Variants in FBXO11 observed in about 807,000 individuals in gnomAD.
FBXO11 encodes F-box protein 11.
A neutral mutation model predicts 117.0 loss-of-function variants in FBXO11; 13 were observed. The observed-to-expected ratio is 0.11, with a 90% CI of 0.07 to 0.18. The LOEUF is 0.18. FBXO11 is among the 10% of genes least tolerant of loss of function. The pLI is 1.00. For missense variants in FBXO11, 767 were observed against 1,164.4 expected (o/e 0.66, Z 4.97); for synonymous variants, 490 against 380.5 (o/e 1.29, Z -3.35).
chr2:47,810,611 C>T (rs181294573), intron 18 of FBXO11, 185 bp from the exon 19 acceptor site: 2 of 494,316 alleles, frequency 4.0e-6, no homozygotes, highest in Non-Finnish European at 7.1e-6. Context: ...AAAATTGCTA[C>T]AATGACAGGT....
chr2:47,831,384 G>C (rs995626601), intron 11 of FBXO11, among the ~76,000 whole-genome samples: 8 of 141,408 alleles, frequency 5.7e-5, no homozygotes, highest in Non-Finnish European at 1.1e-4. Flanking sequence ...CATTGCCATT[G>C]CACTCTAGCC....
intron 1 of FBXO11, among the ~76,000 whole-genome samples, chr2:47,863,299 C>T (rs1475315166): frequency 6.6e-6 from 1 of 152,100 alleles, no homozygotes; most frequent in African/African-American, 2.4e-5. Context: ...TAGGAATAAT[C>T]ACTAGTTGAT....
intron 1 of FBXO11, among the ~76,000 whole-genome samples, chr2:47,856,296 A>C (rs1224539211): frequency 6.6e-6 from 1 of 152,226 alleles, no homozygotes; most frequent in Non-Finnish European, 1.5e-5. Context: ...TCTTCTCCAC[A>C]ATCTTTCTTA....
intron 1 of FBXO11, among the ~76,000 whole-genome samples, chr2:47,869,167 A>T (rs1291834102): frequency 1.3e-5 from 2 of 152,146 alleles, no homozygotes; most frequent in Non-Finnish European, 2.9e-5. Context: ...TGGAAATAGG[A>T]GTGACACCAC....
chr2:47,826,565 T>A (rs1352017210), intron 11 of FBXO11, among the ~76,000 whole-genome samples: 1 of 152,136 alleles, frequency 6.6e-6, no homozygotes, highest in Non-Finnish European at 1.5e-5. Context: ...TACCTCTCTA[T>A]CCCCCACAAT....
At chr2:47,872,874 CAT>C (rs2103841004) in intron 1 of FBXO11, among the ~76,000 whole-genome samples, 2 of 152,088 alleles carry the variant, frequency 1.3e-5, no homozygotes, top group East Asian at 1.9e-4. Flanking sequence ...TGTCATGTAA[CAT>C]ATTTAATAGA....
In FBXO11 at chr2:47,832,961, T is replaced by C. The variant is rs2104811402; in HGVS notation, c.1041+3A>G. 3 of 1,607,668 alleles carry C rather than the reference T, an allele frequency of 1.9e-6. No homozygotes were observed. The Admixed American group carries it at 5.0e-5, about 27-fold the overall frequency. On this transcript the variant is annotated splice_donor_region_variant and intron_variant, in intron 8 of 22. Transcript: ENST00000403359. ...GTGTATTTTAAATCTTAACATGTCT[T>C]ACCCTTATTGTCATATATCCAACAT... is the stretch of plus-strand genomic sequence containing the variant.
chr2:47,839,588 GT>G, intron 2 of FBXO11, 53 bp downstream of exon 2: 2 of 1,601,726 alleles, frequency 1.2e-6, no homozygotes, highest in Non-Finnish European at 1.7e-6. Context: ...TCCCTTTTTT[GT>G]TTCTTGAAAA....
intron 1 of FBXO11, among the ~76,000 whole-genome samples, chr2:47,874,552 T>G (rs750357003): frequency 7.7e-4 from 118 of 152,266 alleles, no homozygotes; most frequent in Non-Finnish European, 1.0e-3. Context: ...AAAACAATTT[T>G]GAGACAGAGT....
rs1399185900 is a variant in FBXO11 at position 47,848,140 on chromosome 2, AAAC to A, written c.233-8374_233-8372del. 7.6e-5 allele frequency among the ~76,000 whole-genome samples: 11 copies of A among 143,906 alleles called. No homozygotes were observed. The East Asian group carries it at 1.2e-3, about 15-fold the overall frequency. The allele number at this position is 143,906 out of a possible 152,430, so 94.4% of individuals were successfully genotyped here. ...CCCCATCTCAAAAAAACAAACAAACAAACAAAAAAACAACCAAACACACACACA... is the reference window on the plus strand; with the variant it reads ...CCCCATCTCAAAAAAACAAACAAACAAAAAAAACAACCAAACACACACACA... On this transcript the variant is annotated intron_variant, in intron 1 of 22. Transcript: ENST00000403359.
intron 1 of FBXO11, among the ~76,000 whole-genome samples, chr2:47,863,485 C>G (rs1373079560): frequency 2.6e-5 from 4 of 152,150 alleles, no homozygotes; most frequent in African/African-American, 9.7e-5. Context: ...TTAATAAACT[C>G]TTCTTTAAAG....
At chr2:47,898,490 A>G (rs1677844129) in intron 1 of FBXO11, among the ~76,000 whole-genome samples, 1 of 152,234 alleles carries the variant, frequency 6.6e-6, no homozygotes, top group Admixed American at 6.5e-5. Context: ...TACAACCATG[A>G]GCTAAAATCA....
chr2:47,809,546 TTATC>T, intron 20 of FBXO11, 50 bp downstream of exon 20: 2 of 1,302,984 alleles, frequency 1.5e-6, no homozygotes, highest in Non-Finnish European at 2.2e-6. Context: ...CGGCTTCTGA[TTATC>T]TTTCATGGCA....
At chr2:47,872,814 T>C (rs1464037020) in intron 1 of FBXO11, among the ~76,000 whole-genome samples, 1 of 152,234 alleles carries the variant, frequency 6.6e-6, no homozygotes, top group Non-Finnish European at 1.5e-5. Context: ...TGTAAAACTA[T>C]TCCACTCTAA....
At chr2:47,850,919 G>A (rs17037011) in intron 1 of FBXO11, among the ~76,000 whole-genome samples, 2,234 of 152,012 alleles carry the variant, frequency 0.015, 41 homozygotes, top group African/African-American at 0.048. Context: ...AGTTTTTCAC[G>A]TTCAATATTT....
intron 1 of FBXO11, among the ~76,000 whole-genome samples, chr2:47,871,581 T>G (rs1031894472): frequency 1.3e-5 from 2 of 152,236 alleles, no homozygotes; most frequent in Non-Finnish European, 2.9e-5. Flanking sequence ...ACTAATTATT[T>G]GAACATGTCT....
At chr2:47,854,804 A>C (rs1327429770) in intron 1 of FBXO11, among the ~76,000 whole-genome samples, 1 of 152,002 alleles carries the variant, frequency 6.6e-6, no homozygotes, top group Non-Finnish European at 1.5e-5. Context: ...CATGGGAGTC[A>C]AAGAAAAGTC....
chr2:47,835,695 G>A (rs1015564191), intron 5 of FBXO11, among the ~76,000 whole-genome samples, 177 bp downstream of exon 5: 2 of 152,056 alleles, frequency 1.3e-5, no homozygotes, highest in Non-Finnish European at 1.5e-5. Flanking sequence ...ATGGAGTTTC[G>A]CCATGTTGGC....
chr2:47,893,621 G>A (rs909975138), intron 1 of FBXO11, among the ~76,000 whole-genome samples: 1 of 152,256 alleles, frequency 6.6e-6, no homozygotes, highest in East Asian at 1.9e-4. Context: ...TTAACTTTAA[G>A]TTCCACAAGG....
Sources: gnomAD v4.1 joint callset for allele counts (sites outside exome capture counted in the v4.1 genomes callset) on GRCh38, gnomAD v4.1.1 for gene constraint, MANE v1.5 for transcripts, NCBI Gene and HGNC (gene_info 2026-07-23, HGNC 2026-07-21) for gene names.